The following CCDC178 variants were observed in gnomAD, a reference collection of about 807,000 sequenced individuals.
CCDC178 encodes the protein coiled-coil domain-containing protein 178.
CCDC178 carries 126 observed loss-of-function variants against 117.4 expected under a neutral mutation model. The ratio of observed to expected loss-of-function variants is 1.07; its 90% CI spans 0.93 to 1.24. CCDC178 has a LOEUF of 1.24. Ranked by LOEUF, CCDC178 falls within the 50% of genes most tolerant of loss-of-function variation. The pLI is 0.00. For missense variants in CCDC178, 1,030 were observed against 986.9 expected, an observed-to-expected ratio of 1.04 and a Z score of -0.59; for synonymous variants, 283 against 313.4, an observed-to-expected ratio of 0.90 and a Z score of 1.02.
intron 10 of CCDC178, among the ~76,000 whole-genome samples, chr18:33,329,950 CTTTTTTTT>C (rs1205443998): frequency 1.6e-5 from 1 of 64,490 alleles, no homozygotes; most frequent in African/African-American, 6.1e-5. Flanking sequence ...TGGTCCTGGG[CTTTTTTTT>C]TTTTTTTTTT....
chr18:32,974,751 A>G lies in CCDC178; in HGVS notation c.2389-70T>C, dbSNP rs1312237603. The stretch of plus-strand genomic sequence containing the variant: ...AGGAAATTAATGGCAGTGTTCAAGA[A>G]GAATGATGGAGGGAAATATAGAAAG... On this transcript the variant is annotated intron_variant, in intron 21 of 22. Transcript: ENST00000383096. 2.1e-6 allele frequency: 3 copies of G among 1,458,804 alleles called. No individual in the cohort carries two copies. The African/African-American group carries it at 4.2e-5, about 20-fold the overall frequency. The allele number at this position is 1,458,804 out of a possible 1,614,324, so 90.4% of individuals were successfully genotyped here. A position where few individuals can be genotyped will look rare whatever the true frequency, so the allele number is the denominator to read the frequency against.
At chr18:33,090,780 C>G (rs2057450528) in intron 21 of CCDC178, among the ~76,000 whole-genome samples, 1 of 152,124 alleles carries the variant, frequency 6.6e-6, no homozygotes, top group African/African-American at 2.4e-5. Context: ...TTCCCTGAAA[C>G]AGGTGTGCTA....
intron 2 of CCDC178, among the ~76,000 whole-genome samples, chr18:33,436,228 A>G (rs1348916867): frequency 3.3e-5 from 5 of 152,194 alleles, no homozygotes; most frequent in African/African-American, 9.7e-5. Flanking sequence ...TAAGACAAAG[A>G]CTAGAAAAAA....
At chr18:33,179,146 CTA>C (rs1221903813) in intron 20 of CCDC178, among the ~76,000 whole-genome samples, 1,516 of 68,176 alleles carry the variant, frequency 0.022, 130 homozygotes, top group African/African-American at 0.07. Flanking sequence ...TATATATAAA[CTA>C]TATATATATA....
chr18:32,974,448 C>T, intron 22 of CCDC178, 99 bp downstream of exon 22: 1 of 1,156,102 alleles, frequency 8.6e-7, no homozygotes, highest in Non-Finnish European at 1.2e-6. Context: ...ATTTATAAAA[C>T]TCTGATGGGA....
intron 3 of CCDC178, 77 bp from the exon 4 acceptor site, chr18:33,397,285 G>A (rs1396237806): frequency 1.1e-6 from 1 of 919,582 alleles, no homozygotes; most frequent in Non-Finnish European, 1.7e-6. Context: ...GCACTAGTAA[G>A]GATACGGGAA....
At chr18:32,968,162 C>T (rs928363878) in intron 22 of CCDC178, among the ~76,000 whole-genome samples, 1 of 151,864 alleles carries the variant, frequency 6.6e-6, no homozygotes, top group African/African-American at 2.4e-5. Context: ...AGCCTCTCCC[C>T]ATTCTCTGAT....
At chr18:33,301,416 T>G (rs2062175376) in intron 11 of CCDC178, among the ~76,000 whole-genome samples, 1 of 152,200 alleles carries the variant, frequency 6.6e-6, no homozygotes, top group South Asian at 2.1e-4. Context: ...GAATCCCCAC[T>G]GGGGCACAGT....
At chr18:33,439,135 G>C (rs773375713) in intron 2 of CCDC178, among the ~76,000 whole-genome samples, 1 of 152,246 alleles carries the variant, frequency 6.6e-6, no homozygotes, top group Admixed American at 6.5e-5. Flanking sequence ...GGGAATTTAT[G>C]AGTCCAGTGC....
intron 11 of CCDC178, among the ~76,000 whole-genome samples, chr18:33,309,613 C>T (rs1022692884): frequency 7.9e-5 from 12 of 152,054 alleles, no homozygotes; most frequent in African/African-American, 2.4e-4. Context: ...AAAATGCCGA[C>T]ATCTGAAAAA....
At chr18:33,373,896 G>A (rs568297083) in intron 5 of CCDC178, among the ~76,000 whole-genome samples, 63 of 152,232 alleles carry the variant, frequency 4.1e-4, no homozygotes, top group African/African-American at 1.4e-3. Flanking sequence ...AGTAACTGAT[G>A]TGGAATTAGT....
At chr18:33,132,670 T>G (rs1643800179) in intron 20 of CCDC178, among the ~76,000 whole-genome samples, 2 of 151,696 alleles carry the variant, frequency 1.3e-5, no homozygotes, top group Non-Finnish European at 3.0e-5. Context: ...ATATAATATC[T>G]GCTTCTTCCT....
At chr18:33,339,945 G>C (rs1226128461) in intron 9 of CCDC178, among the ~76,000 whole-genome samples, 1 of 151,970 alleles carries the variant, frequency 6.6e-6, no homozygotes, top group African/African-American at 2.4e-5. Context: ...CCAGGAGTGG[G>C]GTGTGCTGAA....
chr18:33,344,257 T>C (rs960947868), intron 9 of CCDC178, among the ~76,000 whole-genome samples: 4 of 142,762 alleles, frequency 2.8e-5, no homozygotes, highest in Non-Finnish European at 4.5e-5. Flanking sequence ...TGAGCCGAGA[T>C]TGCGCCACTG....
At chr18:33,325,001 T>C (rs1308864271) in intron 10 of CCDC178, among the ~76,000 whole-genome samples, 1 of 151,644 alleles carries the variant, frequency 6.6e-6, no homozygotes, top group Non-Finnish European at 1.5e-5. Flanking sequence ...TTAATTATAA[T>C]AATATTAAAA....
At chr18:33,362,155 ATGTT>A (rs1388246698) in intron 6 of CCDC178, among the ~76,000 whole-genome samples, 1 of 141,336 alleles carries the variant, frequency 7.1e-6, no homozygotes, top group Admixed American at 7.5e-5. Flanking sequence ...GTGTGTCTAT[ATGTT>A]TATGTGTGTA....
intron 21 of CCDC178, among the ~76,000 whole-genome samples, chr18:33,033,061 T>C (rs2056377009): frequency 6.6e-6 from 1 of 152,138 alleles, no homozygotes; most frequent in African/African-American, 2.4e-5. Flanking sequence ...ACTTTAAATG[T>C]TGCATTCTAA....
intron 15 of CCDC178, among the ~76,000 whole-genome samples, chr18:33,233,977 C>A (rs1030859163): frequency 6.6e-6 from 1 of 152,008 alleles, no homozygotes; most frequent in African/African-American, 2.4e-5. Context: ...ACTTGCCATC[C>A]AATTTCTGAC....
At chr18:33,341,347 G>T (rs1329970585) in intron 9 of CCDC178, among the ~76,000 whole-genome samples, 2 of 152,178 alleles carry the variant, frequency 1.3e-5, no homozygotes, top group Non-Finnish European at 2.9e-5. Context: ...AGGCAGAAGG[G>T]ACTTGCCTTG....
Sources: allele counts gnomAD v4.1 joint callset (sites outside exome capture counted in the v4.1 genomes callset), GRCh38; gene constraint gnomAD v4.1.1; transcripts MANE v1.5; gene names NCBI Gene and HGNC (gene_info 2026-07-23, HGNC 2026-07-21).